The following BCKDHB variants were observed in gnomAD, a reference collection of about 807,000 sequenced individuals.
BCKDHB encodes the protein 2-oxoisovalerate dehydrogenase subunit beta, mitochondrial.
Under a neutral mutation model 48.5 loss-of-function variants are expected in BCKDHB, and 41 were observed. That is an observed-to-expected ratio of 0.85 (90% confidence interval 0.66 to 1.10). The LOEUF (loss-of-function observed/expected upper bound fraction) is 1.10, where lower values mean the gene tolerates loss of function less well. BCKDHB is among the 50% of genes least tolerant of loss of function. The probability of loss-of-function intolerance (pLI) is 0.00; values close to 1 mark genes in which losing one functional copy is unlikely to be tolerated. For synonymous variants in BCKDHB, 201 were observed against 174.8 expected (o/e 1.15, Z -1.18); for missense variants, 496 against 494.2 (o/e 1.00, Z -0.03).
the BCKDHB span, among the ~76,000 whole-genome samples, chr6:80,428,101 T>C: frequency 2.0e-5 from 3 of 150,956 alleles, no homozygotes; most frequent in Non-Finnish European, 4.4e-5. Flanking sequence ...CAACTCCCAC[T>C]TATGAGTGAG....
chr6:80,457,162 T>C, the BCKDHB span, among the ~76,000 whole-genome samples: 1 of 152,158 alleles, frequency 6.6e-6, no homozygotes, highest in African/African-American at 2.4e-5. Context: ...GAAAATGAAA[T>C]AGGAAGTAAC....
chr6:80,111,292 C>T (rs1479955628), intron 1 of BCKDHB, among the ~76,000 whole-genome samples: 1 of 152,150 alleles, frequency 6.6e-6, no homozygotes, highest in South Asian at 2.1e-4. Context: ...GTAGTAATTA[C>T]GATGTTCCTG....
chr6:80,240,728 A>G lies in BCKDHB; in HGVS notation c.952-32407A>G, dbSNP rs529439664. Among the ~76,000 whole-genome samples, 588 of 152,268 alleles carry G rather than the reference A, an allele frequency of 3.9e-3. 4 individuals are homozygous for G. Among genetic ancestry groups the G allele is most frequent in the Non-Finnish European group, 4.6e-3 (315 of 68,012 alleles). ...TTGAATAGGAGTGGTGAGAGAGGGC[A>G]TCCCTGTCTTGTGCCAGTTTTTAAA... is the stretch of plus-strand genomic sequence containing the variant. On this transcript the variant is annotated intron_variant, in intron 8 of 9. Transcript: ENST00000320393.
intron 9 of BCKDHB, among the ~76,000 whole-genome samples, chr6:80,291,549 A>G (rs1766917340): frequency 6.6e-6 from 1 of 152,252 alleles, no homozygotes; most frequent in Non-Finnish European, 1.5e-5. Flanking sequence ...AAGGTTTTCC[A>G]TGAACTCGGC....
At chr6:80,185,014 A>T (rs1487268433) in intron 6 of BCKDHB, among the ~76,000 whole-genome samples, 1 of 152,154 alleles carries the variant, frequency 6.6e-6, no homozygotes, top group Non-Finnish European at 1.5e-5. Context: ...TTTCTCTATT[A>T]TCCCCTCTAA....
At chr6:80,218,209 T>C (rs1775260017) in intron 8 of BCKDHB, among the ~76,000 whole-genome samples, 1 of 152,104 alleles carries the variant, frequency 6.6e-6, no homozygotes, top group African/African-American at 2.4e-5. Flanking sequence ...CATTCCCTCA[T>C]GTGTTTCACT....
At chr6:80,435,947 C>T in the BCKDHB span, among the ~76,000 whole-genome samples, 1 of 152,184 alleles carries the variant, frequency 6.6e-6, no homozygotes, top group South Asian at 2.1e-4. Context: ...GTGGGAGAAT[C>T]GCTTGAAGCC....
At chr6:80,245,387 C>A (rs1210831825) in intron 8 of BCKDHB, among the ~76,000 whole-genome samples, 3 of 151,948 alleles carry the variant, frequency 2.0e-5, no homozygotes, top group African/African-American at 7.3e-5. Context: ...AAAAAAAAAT[C>A]CCCCAAAAGC....
At chr6:80,243,300 A>G (rs1776466804) in intron 8 of BCKDHB, among the ~76,000 whole-genome samples, 1 of 152,156 alleles carries the variant, frequency 6.6e-6, no homozygotes, top group Non-Finnish European at 1.5e-5. Context: ...AGATAAACCC[A>G]AAGGTAGGAG....
chr6:80,304,113 C>A (rs985864135), intron 9 of BCKDHB, among the ~76,000 whole-genome samples: 3 of 152,048 alleles, frequency 2.0e-5, no homozygotes, highest in Non-Finnish European at 4.4e-5. Context: ...CTGATAAAAT[C>A]AAATACTTTA....
intron 6 of BCKDHB, among the ~76,000 whole-genome samples, chr6:80,194,016 T>G (rs904813721): frequency 1.3e-5 from 2 of 152,186 alleles, no homozygotes; most frequent in African/African-American, 2.4e-5. Context: ...TTTTCTTCAT[T>G]TGTACTAGCA....
rs142611205 is a variant in BCKDHB, at chr6:80,158,429, C to G, written c.344-9249C>G. 1.7e-3 allele frequency among the ~76,000 whole-genome samples: 263 copies of G among 152,122 alleles called. 1 individual carries two copies. The highest frequency in any genetic ancestry group is 6.0e-3 in the African/African-American group (249 of 41,522). ...TCTAAACAATGCTTCTTGGAGGTAACAATTTGAAGAATATTGTTGTAGGAT... is the reference window on the plus strand; with the variant it reads ...TCTAAACAATGCTTCTTGGAGGTAAGAATTTGAAGAATATTGTTGTAGGAT... On this transcript the variant is annotated intron_variant, in intron 3 of 9. Transcript: ENST00000320393.
At position 80,226,189 on chromosome 6, in the gene BCKDHB, T is replaced by C. The variant is rs1246900498; in HGVS notation, c.951+22977T>C. Among the ~76,000 whole-genome samples the C allele has an allele frequency of 2.6e-5, 4 of 152,190 alleles. No homozygotes were observed. The East Asian group carries it at 7.7e-4, about 29-fold the overall frequency. On this transcript the variant is annotated intron_variant, in intron 8 of 9. Transcript: ENST00000320393. ...TAACATTTCACTGCATTGTGTAGAG[T>C]CTTATTTTGTTTTTCCATGAGGTAA...
intron 2 of BCKDHB, 100 bp downstream of exon 2, chr6:80,127,724 C>T (rs180902902): frequency 4.9e-5 from 53 of 1,082,410 alleles, no homozygotes; most frequent in Non-Finnish European, 7.3e-5. Context: ...AACATTGTAT[C>T]TACCTGACAT....
intron 8 of BCKDHB, among the ~76,000 whole-genome samples, chr6:80,231,222 A>C (rs1418383022): frequency 6.6e-6 from 1 of 152,232 alleles, no homozygotes; most frequent in Admixed American, 6.5e-5. Flanking sequence ...TGCTTTAAAT[A>C]TAAAAACCAA....
At chr6:80,438,568 A>T in the BCKDHB span, among the ~76,000 whole-genome samples, 4 of 152,224 alleles carry the variant, frequency 2.6e-5, no homozygotes, top group Non-Finnish European at 5.9e-5. Context: ...ACACTATGAA[A>T]TTCCAAGATT....
At chr6:80,148,728 C>A (rs1442520180) in intron 3 of BCKDHB, among the ~76,000 whole-genome samples, 1 of 152,164 alleles carries the variant, frequency 6.6e-6, no homozygotes, top group East Asian at 1.9e-4. Flanking sequence ...AAACAATTCC[C>A]TATTTAATAA....
intron 8 of BCKDHB, among the ~76,000 whole-genome samples, chr6:80,215,856 C>T (rs907251398): frequency 1.3e-5 from 2 of 152,190 alleles, no homozygotes; most frequent in African/African-American, 4.8e-5. Flanking sequence ...ATTCTCCTGC[C>T]TCAGCCTCCT....
the BCKDHB span, among the ~76,000 whole-genome samples, chr6:80,363,609 A>T: frequency 2.0e-5 from 3 of 152,200 alleles, no homozygotes; most frequent in South Asian, 2.1e-4. Context: ...AGAAAAGATG[A>T]TCTCAATCTA....
Sources: allele counts gnomAD v4.1 joint callset (sites outside exome capture counted in the v4.1 genomes callset), GRCh38; gene constraint gnomAD v4.1.1; transcripts MANE v1.5; gene names NCBI Gene and HGNC (gene_info 2026-07-23, HGNC 2026-07-21).